DIAPH3: variants seen among roughly 807,000 people sequenced by gnomAD.
DIAPH3 encodes the protein protein diaphanous homolog 3.
Under a neutral mutation model 144.3 loss-of-function variants are expected in DIAPH3, and 117 were observed. The ratio of observed to expected loss-of-function variants is 0.81; its 90% confidence interval spans 0.70 to 0.95. DIAPH3 has a LOEUF of 0.95. Ranked by LOEUF, DIAPH3 falls within the 40% of genes least tolerant of loss-of-function variation. The pLI is 0.00. For synonymous variants in DIAPH3, 519 were observed against 488.9 expected, an observed-to-expected ratio of 1.06 and a Z score of -0.81; for missense variants, 1,421 against 1,412.7, an observed-to-expected ratio of 1.01 and a Z score of -0.09.
chr13:59,813,349 T>G (rs1338682179), intron 24 of DIAPH3, among the ~76,000 whole-genome samples: 1 of 151,850 alleles, frequency 6.6e-6, no homozygotes, highest in African/African-American at 2.4e-5. Context: ...ACTAGATACT[T>G]TAATGTGCAA....
intron 5 of DIAPH3, among the ~76,000 whole-genome samples, chr13:60,024,458 G>T (rs548605735): frequency 8.5e-5 from 13 of 152,204 alleles, no homozygotes; most frequent in African/African-American, 2.9e-4. Context: ...TTTAAAAGAA[G>T]AAATAGTTTC....
intron 1 of DIAPH3, among the ~76,000 whole-genome samples, chr13:60,148,209 G>A (rs1196318451): frequency 6.6e-6 from 1 of 152,174 alleles, no homozygotes; most frequent in East Asian, 1.9e-4. Flanking sequence ...GTGAGTTTGA[G>A]GTACCTCTAA....
chr13:59,802,603 T>C (rs1022241223), intron 25 of DIAPH3, among the ~76,000 whole-genome samples: 2 of 145,456 alleles, frequency 1.4e-5, no homozygotes, highest in Non-Finnish European at 3.0e-5. Context: ...TTTTAATCTG[T>C]CTCTTAAAAT....
chr13:60,015,864 T>C (rs760784826), intron 7 of DIAPH3, 49 bp downstream of exon 7: 15 of 1,495,324 alleles, frequency 1.0e-5, no homozygotes, highest in Middle Eastern at 2.3e-4. Flanking sequence ...CTGAAAATCA[T>C]ATATTACAAA....
intron 27 of DIAPH3, among the ~76,000 whole-genome samples, chr13:59,676,218 T>A (rs1393438904): frequency 6.6e-6 from 1 of 152,222 alleles, no homozygotes; most frequent in Admixed American, 6.5e-5. Context: ...TAGCATCCTA[T>A]CAAGTAGCTA....
At chr13:59,898,134 C>CAAAAAAAAAAAA (rs34238599) in intron 20 of DIAPH3, among the ~76,000 whole-genome samples, 322 of 72,022 alleles carry the variant, frequency 4.5e-3, no homozygotes, top group Non-Finnish European at 5.0e-3. Context: ...GACTCTGCCT[C>CAAAAAAAAAAAA]AAAAAAAAAA....
Position 59,973,427 on chromosome 13 carries a change from A to C in DIAPH3, c.1650+925T>G, listed in dbSNP as rs939910640. ...AGACAAGGAACCATATGGGAAAGAT[A>C]AAAAAAAAAATTCAATAAAATGTGA... On this transcript the variant is annotated intron_variant, in intron 15 of 27. Transcript: ENST00000400324. 5.9e-5 allele frequency among the ~76,000 whole-genome samples: 8 copies of C among 136,412 alleles called. 1 individual carries two copies. Among genetic ancestry groups the C allele is most frequent in the Admixed American group, 4.2e-4 (6 of 14,372 alleles). 89.5% of individuals were successfully genotyped at this position (136,412 alleles called of 152,430 possible). A position where few individuals can be genotyped will look rare whatever the true frequency, so the allele number is the denominator to read the frequency against.
chr13:59,983,996 T>C (rs748632185), intron 12 of DIAPH3, 109 bp from the exon 13 acceptor site: 2 of 731,466 alleles, frequency 2.7e-6, no homozygotes, highest in Admixed American at 2.0e-5. Flanking sequence ...TTATTAGTAA[T>C]ATAATTTCAA....
At chr13:59,820,557 C>A (rs2041016003) in intron 24 of DIAPH3, among the ~76,000 whole-genome samples, 1 of 151,562 alleles carries the variant, frequency 6.6e-6, no homozygotes, top group African/African-American at 2.4e-5. Context: ...AAACACTGCC[C>A]AATAATGCAA....
intron 4 of DIAPH3, among the ~76,000 whole-genome samples, chr13:60,070,097 C>A (rs1294983269): frequency 6.6e-6 from 1 of 152,006 alleles, no homozygotes; most frequent in Non-Finnish European, 1.5e-5. Flanking sequence ...AATATTGATT[C>A]TTCCTATTCA....
chr13:59,852,693 AG>A (rs1389277701), intron 22 of DIAPH3, among the ~76,000 whole-genome samples: 3 of 152,218 alleles, frequency 2.0e-5, no homozygotes, highest in Non-Finnish European at 4.4e-5. Context: ...TTTAATTTTT[AG>A]AAAAGTACCA....
rs552878787 is a variant in DIAPH3 at position 59,833,092 on chromosome 13, AT to A, written c.3027+14del. ...AAATAAAAAAACTTTTTAAAAAACA[AT>A]TTTTTTACCATACCATGAATGTGGT... On this transcript the variant is annotated intron_variant, in intron 24 of 27. Coordinates refer to ENST00000400324, the MANE Select transcript of DIAPH3 (RefSeq NM_001042517.2). 6 of 1,602,054 alleles carry A rather than the reference AT, an allele frequency of 3.7e-6. No homozygotes were observed. Among genetic ancestry groups the A allele is most frequent in the Non-Finnish European group, 2.6e-6 (3 of 1,174,210 alleles).
At chr13:59,893,578 T>G (rs1395333324) in intron 20 of DIAPH3, among the ~76,000 whole-genome samples, 1 of 151,936 alleles carries the variant, frequency 6.6e-6, no homozygotes, top group African/African-American at 2.4e-5. Flanking sequence ...TGGTTTTATA[T>G]CTATCTTTAA....
chr13:59,780,556 A>G (rs778262022), intron 25 of DIAPH3, among the ~76,000 whole-genome samples: 6 of 152,206 alleles, frequency 3.9e-5, no homozygotes, highest in Non-Finnish European at 8.8e-5. Context: ...GCAAAAGTCA[A>G]AGATTTCCTA....
At chr13:59,947,110 T>C (rs1031068839) in intron 17 of DIAPH3, among the ~76,000 whole-genome samples, 1 of 152,208 alleles carries the variant, frequency 6.6e-6, no homozygotes, top group Non-Finnish European at 1.5e-5. Flanking sequence ...CCAACATTCA[T>C]GCATGCTCAT....
intron 3 of DIAPH3, among the ~76,000 whole-genome samples, chr13:60,102,356 C>T (rs2058294609): frequency 6.6e-6 from 1 of 152,206 alleles, no homozygotes; most frequent in African/African-American, 2.4e-5. Flanking sequence ...TTCTCCCTCA[C>T]CGATAACATT....
intron 14 of DIAPH3, among the ~76,000 whole-genome samples, chr13:59,976,966 C>T (rs146867254): frequency 4.3e-3 from 659 of 151,908 alleles, no homozygotes; most frequent in Non-Finnish European, 6.6e-3. Flanking sequence ...ACTAACATGA[C>T]TTCTTTGTTC....
At chr13:59,832,135 T>C (rs1374066187) in intron 24 of DIAPH3, among the ~76,000 whole-genome samples, 1 of 151,940 alleles carries the variant, frequency 6.6e-6, no homozygotes, top group East Asian at 1.9e-4. Flanking sequence ...GTATATCATA[T>C]TTATTAACCA....
chr13:60,034,863 T>C (rs1440847423), intron 5 of DIAPH3: 4 of 152,208 alleles, frequency 2.6e-5, no homozygotes, highest in Non-Finnish European at 5.9e-5. Context: ...TGAATTTAAC[T>C]AATCTAGACA....
Sources: allele counts gnomAD v4.1 joint callset (sites outside exome capture counted in the v4.1 genomes callset), GRCh38; gene constraint gnomAD v4.1.1; transcripts MANE v1.5; gene names NCBI Gene and HGNC (gene_info 2026-07-23, HGNC 2026-07-21).